TMEM177: variants seen among roughly 807,000 people sequenced by gnomAD.
TMEM177 encodes the protein transmembrane protein 177.
In TMEM177, 4 loss-of-function variants were observed where a neutral mutation model predicts 14.2. The ratio of observed to expected loss-of-function variants is 0.28; its 90% CI spans 0.14 to 0.64. The LOEUF (loss-of-function observed/expected upper bound fraction) is 0.64. TMEM177 is among the 30% of genes least tolerant of loss of function. TMEM177 has a pLI of 0.82. For missense variants in TMEM177, 344 were observed against 405.2 expected (o/e 0.85, Z 1.30); for synonymous variants, 179 against 174.5 (o/e 1.03, Z -0.20).
rs1165621113 is a variant in TMEM177, at chr2:119,681,696, A to G, written c.843A>G (p.Arg281=). ...CACCCAGCGGGAACATCGTCCCCAG[A>G]CACTTGTTCCGAATCAAACATTTAC... is the stretch of plus-strand genomic sequence containing the variant. ...LYTPSGNIVP[R]HLFRIKHLPY... The change falls in exon 2 of 2, where the codon AGA becomes AGG. Residue 281 remains arginine, a synonymous_variant. Coordinates refer to ENST00000272521, the MANE Select transcript of TMEM177 (RefSeq NM_030577.3). 3 of 1,614,184 alleles carry G rather than the reference A, an allele frequency of 1.9e-6. No individual in the cohort carries two copies. Among genetic ancestry groups the G allele is most frequent in the East Asian group, 2.2e-5 (1 of 44,870 alleles).
chr2:119,702,008 G>A, the TMEM177 span, among the ~76,000 whole-genome samples: 1 of 152,228 alleles, frequency 6.6e-6, no homozygotes, highest in Non-Finnish European at 1.5e-5. Flanking sequence ...CAGTAGTGAT[G>A]TTATCCTCAG....
At chr2:119,702,907 C>T in the TMEM177 span, among the ~76,000 whole-genome samples, 2 of 152,246 alleles carry the variant, frequency 1.3e-5, no homozygotes, top group African/African-American at 4.8e-5. Context: ...GGGAACTTCT[C>T]AGGGGGCTGG....
At chr2:119,708,570 A>G in the TMEM177 span, among the ~76,000 whole-genome samples, 1 of 152,058 alleles carries the variant, frequency 6.6e-6, no homozygotes, top group African/African-American at 2.4e-5. Flanking sequence ...AGGTTCACAC[A>G]TTGCATTTGG....
At chr2:119,680,032 T>C (rs1041252164) in intron 1 of TMEM177, among the ~76,000 whole-genome samples, 1 of 152,158 alleles carries the variant, frequency 6.6e-6, no homozygotes, top group Non-Finnish European at 1.5e-5. Context: ...GGCTTGTAGG[T>C]GGTAGCCTTT....
downstream of TMEM177, among the ~76,000 whole-genome samples, chr2:119,689,413 G>A (rs1447453560): frequency 2.0e-5 from 3 of 152,192 alleles, no homozygotes; most frequent in Non-Finnish European, 2.9e-5. Context: ...AGGTAGTCAG[G>A]GAGGACTTCC....
chr2:119,706,228 G>A, the TMEM177 span, among the ~76,000 whole-genome samples: 29 of 152,098 alleles, frequency 1.9e-4, no homozygotes, highest in East Asian at 3.1e-3. Context: ...GTTTCGCCAC[G>A]TTGGCCAGGC....
chr2:119,693,815 A>G, the TMEM177 span, among the ~76,000 whole-genome samples: 3 of 151,872 alleles, frequency 2.0e-5, no homozygotes, highest in East Asian at 3.9e-4. Flanking sequence ...CACATCACAC[A>G]TATCACACAC....
chr2:119,694,671 C>A, the TMEM177 span, among the ~76,000 whole-genome samples: 2 of 152,222 alleles, frequency 1.3e-5, no homozygotes, highest in Non-Finnish European at 2.9e-5. Context: ...CACTTCCCCG[C>A]GAAAGCATTT....
chr2:119,713,440 C>A, the TMEM177 span, among the ~76,000 whole-genome samples: 1 of 152,222 alleles, frequency 6.6e-6, no homozygotes, highest in East Asian at 1.9e-4. Context: ...GGTGACTTGT[C>A]ATATATTAGG....
chr2:119,701,579 A>G, the TMEM177 span, among the ~76,000 whole-genome samples: 5 of 152,192 alleles, frequency 3.3e-5, no homozygotes, highest in Admixed American at 1.3e-4. Context: ...GCGCAGTGAC[A>G]AGGCCACAGA....
At chr2:119,715,082 C>T in the TMEM177 span, among the ~76,000 whole-genome samples, 1 of 152,122 alleles carries the variant, frequency 6.6e-6, no homozygotes, top group African/African-American at 2.4e-5. Flanking sequence ...CACTCTTTCA[C>T]AGAGAAAGAA....
At chr2:119,705,990 A>ATATTATATATTATATAT in the TMEM177 span, among the ~76,000 whole-genome samples, 18 of 14,602 alleles carry the variant, frequency 1.2e-3, no homozygotes, top group Admixed American at 6.8e-3. Flanking sequence ...CTCTCTATAT[A>ATATTATATATTATATAT]TATATATTAT....
At chr2:119,708,693 G>A in the TMEM177 span, among the ~76,000 whole-genome samples, 3 of 144,576 alleles carry the variant, frequency 2.1e-5, no homozygotes, top group South Asian at 2.2e-4. Context: ...ACACACAGTC[G>A]CACTGGCACA....
At chr2:119,699,605 G>C in the TMEM177 span, among the ~76,000 whole-genome samples, 1 of 152,160 alleles carries the variant, frequency 6.6e-6, no homozygotes, top group Non-Finnish European at 1.5e-5. Context: ...ACTGCAAAAG[G>C]AGTGAATTTC....
chr2:119,692,836 G>A, the TMEM177 span, among the ~76,000 whole-genome samples: 1 of 152,086 alleles, frequency 6.6e-6, no homozygotes, highest in African/African-American at 2.4e-5. Flanking sequence ...AGCCGGGTGT[G>A]GTGGTGGCAC....
chr2:119,688,687 G>A (rs1010494848), downstream of TMEM177, among the ~76,000 whole-genome samples: 1 of 152,176 alleles, frequency 6.6e-6, no homozygotes, highest in Non-Finnish European at 1.5e-5. Context: ...AAGCATGAAG[G>A]CCTACTCAGA....
chr2:119,699,511 G>C, the TMEM177 span, among the ~76,000 whole-genome samples: 2 of 152,246 alleles, frequency 1.3e-5, no homozygotes, highest in Non-Finnish European at 1.5e-5. Flanking sequence ...GTCTTGTTAG[G>C]CTAGAGTCCC....
chr2:119,694,238 CACTT>C, the TMEM177 span, among the ~76,000 whole-genome samples: 12 of 151,462 alleles, frequency 7.9e-5, no homozygotes, highest in African/African-American at 2.2e-4. Context: ...ATACATATCA[CACTT>C]ACCACACATG....
At chr2:119,685,286 C>T (rs1459346611), downstream of TMEM177, among the ~76,000 whole-genome samples, 3 of 139,784 alleles carry the variant, frequency 2.1e-5, no homozygotes, top group African/African-American at 8.0e-5. Context: ...AGCCAGAATA[C>T]AGGGAGGGGA....
Sources: gnomAD v4.1 joint callset for allele counts (sites outside exome capture counted in the v4.1 genomes callset) on GRCh38, gnomAD v4.1.1 for gene constraint, MANE v1.5 for transcripts, NCBI Gene and HGNC (gene_info 2026-07-23, HGNC 2026-07-21) for gene names.